Variants in TBC1D30 observed in about 807,000 individuals in gnomAD.
TBC1D30 encodes TBC1 domain family, member 30.
Under a neutral mutation model 63.2 loss-of-function variants are expected in TBC1D30, and 31 were observed. That is an observed-to-expected ratio of 0.49 (90% CI 0.37 to 0.66). The LOEUF is 0.66. TBC1D30 is among the 30% of genes least tolerant of loss of function. The pLI is 0.00. For missense variants in TBC1D30, 810 were observed against 953.6 expected (o/e 0.85, Z 1.98); for synonymous variants, 307 against 361.5 (o/e 0.85, Z 1.71).
intron 7 of TBC1D30, among the ~76,000 whole-genome samples, chr12:64,841,776 T>C (rs1360815560): frequency 1.3e-5 from 2 of 152,226 alleles, no homozygotes; most frequent in Non-Finnish European, 2.9e-5. Flanking sequence ...ATCTCAAGCA[T>C]TATTTCTCTT....
At chr12:64,775,480 C>T (rs1189231228) in intron 1 of TBC1D30, among the ~76,000 whole-genome samples, 1 of 152,064 alleles carries the variant, frequency 6.6e-6, no homozygotes, top group Non-Finnish European at 1.5e-5. Flanking sequence ...GGGTTGCAAT[C>T]CTAGTTTCTA....
intron 2 of TBC1D30, 80 bp from the exon 3 acceptor site, chr12:64,828,364 A>G (rs1278877923): frequency 9.7e-7 from 1 of 1,028,660 alleles, no homozygotes; most frequent in Non-Finnish European, 1.5e-6. Context: ...CATTCTATGA[A>G]TGTCAAGATG....
chr12:64,875,580 A>G lies in TBC1D30; in HGVS notation c.2078A>G (p.Lys693Arg). ...CCGCCGAGTGCACCCGAAGAAAACA[A>G]AGCCACCAGCAAAGCTCCCCAAGGC... ...PEPPSAPEENKATSKAPQGSN... is the reference protein window; with the variant it reads ...PEPPSAPEENRATSKAPQGSN... Residue 693 changes from lysine (K) to arginine (R), a missense_variant, in exon 12 of 12, where the codon AAA becomes AGA. This residue lies in a region of TBC1D30 where 450 missense variants were observed against 473.0 expected (regional missense o/e 0.95). Transcript: ENST00000539867. 1 of 1,536,074 alleles carries G rather than the reference A, an allele frequency of 6.5e-7. No individual in the cohort carries two copies. Among genetic ancestry groups the G allele is most frequent in the Non-Finnish European group, 8.7e-7 (1 of 1,146,880 alleles).
chr12:64,850,002 G>A (rs1470994731), intron 8 of TBC1D30, among the ~76,000 whole-genome samples: 1 of 152,164 alleles, frequency 6.6e-6, no homozygotes, highest in Non-Finnish European at 1.5e-5. Context: ...CTTGTAAGTT[G>A]TATTTCTAGG....
chr12:64,876,324 A>AT lies in TBC1D30; in HGVS notation c.*546dup, dbSNP rs966435953. The AT allele has an allele frequency of 1.4e-4, 22 of 153,582 alleles. No homozygotes were observed. The highest frequency in any genetic ancestry group is 2.2e-4 in the Non-Finnish European group (15 of 69,434). The allele number at this position is 153,582 out of a possible 1,614,324, so 9.5% of individuals were successfully genotyped here. Reference sequence around the variant, plus strand: ...AGATTTCCCACAGTACCAGTTTCAAATTTTTTTTTTATTCTTATGCTAAAT... The same window carrying AT: ...AGATTTCCCACAGTACCAGTTTCAAATTTTTTTTTTTATTCTTATGCTAAAT... On this transcript the variant is annotated 3_prime_UTR_variant, in exon 12 of 12. Transcript: ENST00000539867.
chr12:64,812,512 T>C (rs1873275162), intron 2 of TBC1D30, among the ~76,000 whole-genome samples: 1 of 152,234 alleles, frequency 6.6e-6, no homozygotes, highest in South Asian at 2.1e-4. Context: ...ACTGGAAGAA[T>C]TGGTGTTAAT....
chr12:64,842,120 G>A lies in TBC1D30; in HGVS notation c.933-1260G>A, dbSNP rs186649822. On this transcript the variant is annotated intron_variant, in intron 7 of 11. Transcript: ENST00000539867. ...TGCCTGTAATCCCAGCACTTTGAGAGGCCGAAGCAGGTGGATCACTTGAAG... is the reference window on the plus strand; with the variant it reads ...TGCCTGTAATCCCAGCACTTTGAGAAGCCGAAGCAGGTGGATCACTTGAAG... 8.1e-4 allele frequency among the ~76,000 whole-genome samples: 123 copies of A among 152,276 alleles called. 1 individual carries two copies. The highest frequency in any genetic ancestry group is 3.4e-3 in the Middle Eastern group (1 of 294).
At chr12:64,778,454 G>GA (rs933888228), upstream of TBC1D30, among the ~76,000 whole-genome samples, 5 of 149,804 alleles carry the variant, frequency 3.3e-5, no homozygotes, top group Non-Finnish European at 7.4e-5. Context: ...GGTATTATGG[G>GA]AAAAAAAAGA....
chr12:64,874,251 C>A (rs1220891432), intron 11 of TBC1D30, among the ~76,000 whole-genome samples: 3 of 152,158 alleles, frequency 2.0e-5, no homozygotes, highest in Non-Finnish European at 2.9e-5. Flanking sequence ...TCACACCTGG[C>A]TAATTTTTGT....
chr12:64,793,460 A>G (rs964692278), intron 2 of TBC1D30, among the ~76,000 whole-genome samples: 1 of 147,428 alleles, frequency 6.8e-6, no homozygotes, highest in African/African-American at 2.5e-5. Flanking sequence ...CCTGGCCAAC[A>G]TGGTGAAACC....
intron 1 of TBC1D30, among the ~76,000 whole-genome samples, chr12:64,762,756 A>C (rs1870562892): frequency 6.6e-6 from 1 of 152,074 alleles, no homozygotes; most frequent in South Asian, 2.1e-4. Flanking sequence ...ATATGATGTT[A>C]GTTTATAATA....
chr12:64,824,004 C>A (rs746602243), upstream of TBC1D30, among the ~76,000 whole-genome samples: 90 of 151,520 alleles, frequency 5.9e-4, no homozygotes, highest in Non-Finnish European at 1.0e-3. Context: ...TATCCCCCCC[C>A]CACACCCTTT....
rs918360876 is a variant in TBC1D30, at chr12:64,771,444, G to T, written c.-376+11795G>T. Among the ~76,000 whole-genome samples, 7 of 152,098 alleles carry T rather than the reference G, an allele frequency of 4.6e-5. 1 individual carries two copies. Among genetic ancestry groups the T allele is most frequent in the Non-Finnish European group, 7.4e-5 (5 of 68,010 alleles). On this transcript the variant is annotated intron_variant, in intron 1 of 13. Transcript: ENST00000674237. ...TCTCCTGGATCTACCAAGTCATTAA[G>T]TTGGTCAGGACCAGCATTAATCCTT...
At chr12:64,763,304 A>G (rs1336518129) in intron 1 of TBC1D30, among the ~76,000 whole-genome samples, 1 of 152,220 alleles carries the variant, frequency 6.6e-6, no homozygotes, top group African/African-American at 2.4e-5. Context: ...ATATTTTTCA[A>G]TGAGTTTATA....
At chr12:64,786,070 C>T (rs1871552571) in intron 2 of TBC1D30, 1 of 1,271,316 alleles carries the variant, frequency 7.9e-7, no homozygotes, top group Non-Finnish European at 1.0e-6. Context: ...TGGGTTACTT[C>T]TTTTGCCACA....
intron 1 of TBC1D30, among the ~76,000 whole-genome samples, chr12:64,762,955 C>T (rs573044087): frequency 1.6e-4 from 25 of 152,162 alleles, no homozygotes; most frequent in Non-Finnish European, 2.4e-4. Flanking sequence ...ATAGGCATTT[C>T]GTGACATTCT....
Position 64,824,824 on chromosome 12 carries a change from G to A in TBC1D30, c.-56G>A. On this transcript the variant is annotated 5_prime_UTR_variant, in exon 1 of 12. Coordinates refer to ENST00000539867, the MANE Select transcript of TBC1D30 (RefSeq NM_015279.2). ...CCGCGAGCTCAGCCGCTCAGCGAGTGGGGTAGCGGGGACCGAGACGGACGG... is the reference window on the plus strand; with the variant it reads ...CCGCGAGCTCAGCCGCTCAGCGAGTAGGGTAGCGGGGACCGAGACGGACGG... 2.0e-6 allele frequency: 3 copies of A among 1,507,634 alleles called. No individual in the cohort carries two copies. Among genetic ancestry groups the A allele is most frequent in the Non-Finnish European group, 2.7e-6 (3 of 1,131,116 alleles). The allele number at this position is 1,507,634 out of a possible 1,614,324, so 93.4% of individuals were successfully genotyped here. A position where few individuals can be genotyped will look rare whatever the true frequency, so the allele number is the denominator to read the frequency against.
At chr12:64,852,921 G>A (rs1162517768) in intron 8 of TBC1D30, among the ~76,000 whole-genome samples, 1 of 152,204 alleles carries the variant, frequency 6.6e-6, no homozygotes. Flanking sequence ...TGAGGTGTCT[G>A]TTGACCCCTG....
chr12:64,832,427 C>G, intron 5 of TBC1D30, 123 bp downstream of exon 5: 1 of 951,698 alleles, frequency 1.1e-6, no homozygotes, highest in Non-Finnish European at 1.5e-6. Context: ...TTGTAATGAC[C>G]TATGATAGCA....
Sources: allele counts gnomAD v4.1 joint callset (sites outside exome capture counted in the v4.1 genomes callset), GRCh38; gene constraint gnomAD v4.1.1; regional missense constraint gnomAD v4.1.1; transcripts MANE v1.5; gene names NCBI Gene and HGNC (gene_info 2026-07-23, HGNC 2026-07-21).